TRPM6: variants seen among roughly 807,000 people sequenced by gnomAD.
TRPM6 encodes the protein transient receptor potential cation channel subfamily M member 6.
A neutral mutation model predicts 247.6 loss-of-function variants in TRPM6; 111 were observed. That is an observed-to-expected ratio of 0.45 (90% confidence interval 0.38 to 0.52). The LOEUF is 0.52. Ranked by LOEUF, TRPM6 falls within the 20% of genes least tolerant of loss-of-function variation. The probability of loss-of-function intolerance (pLI) is 0.00; values close to 1 mark genes in which losing one functional copy is unlikely to be tolerated. For missense variants in TRPM6, 2,126 were observed against 2,421.5 expected, an observed-to-expected ratio of 0.88 and a Z score of 2.56; for synonymous variants, 892 against 853.8, an observed-to-expected ratio of 1.04 and a Z score of -0.78.
chr9:74,785,198 G>T (rs1046388518), intron 21 of TRPM6, among the ~76,000 whole-genome samples: 31 of 152,130 alleles, frequency 2.0e-4, no homozygotes, highest in Admixed American at 1.8e-3. Context: ...AGGCGTGATG[G>T]TGCATGCCTA....
At chr9:74,865,017 G>A (rs1830802711) in intron 1 of TRPM6, among the ~76,000 whole-genome samples, 1 of 151,598 alleles carries the variant, frequency 6.6e-6, no homozygotes. Flanking sequence ...AAGTTGCAGT[G>A]GGCTGAGATC....
At position 74,761,709 on chromosome 9, in the gene TRPM6, C is replaced by T. The variant is rs1826640768; in HGVS notation, c.4772G>A (p.Gly1591Glu). ...CAGTACACTTACTGGCACCTGGAGTCCTTGAGTATTCTTCTTTTTCTTTGA... is the reference window on the plus strand; with the variant it reads ...CAGTACACTTACTGGCACCTGGAGTTCTTGAGTATTCTTCTTTTTCTTTGA... ...RLSKKKKNTQ[G>E]LQVPIITVNA... The change falls in exon 27 of 39, where the codon GGA (glycine) becomes GAA (glutamate). Residue 1591 changes from glycine (G) to glutamate (E), a missense_variant. Transcript: ENST00000360774. The T allele has an allele frequency of 6.2e-7, 1 of 1,608,892 alleles. No homozygotes were observed. The highest frequency in any genetic ancestry group is 8.5e-7 in the Non-Finnish European group (1 of 1,175,538).
chr9:74,737,310 T>G, intron 36 of TRPM6: 1 of 1,212,254 alleles, frequency 8.2e-7, no homozygotes, highest in Non-Finnish European at 1.1e-6. Flanking sequence ...GTCACATCCT[T>G]GAGCATGTGA....
rs150147420 is a variant in TRPM6, at chr9:74,761,307, C to T, written c.4785+389G>A. Among the ~76,000 whole-genome samples, 420 of 152,302 alleles carry T rather than the reference C, an allele frequency of 2.8e-3. 2 individuals carry two copies. The highest frequency in any genetic ancestry group is 9.7e-3 in the African/African-American group (402 of 41,570). ...ACATATGTCCACAAAAAGACTTGTACACAAATGTTCATAACAGCTTTTTTG... is the reference window on the plus strand; with the variant it reads ...ACATATGTCCACAAAAAGACTTGTATACAAATGTTCATAACAGCTTTTTTG... On this transcript the variant is annotated intron_variant, in intron 27 of 38. Transcript: ENST00000360774.
chr9:74,827,705 G>C lies in TRPM6; in HGVS notation c.841+73C>G, dbSNP rs144532972. On this transcript the variant is annotated intron_variant, in intron 7 of 38. Transcript: ENST00000360774. The stretch of plus-strand genomic sequence containing the variant: ...GGGGACTAGGAGAGTGAGCTCTGAT[G>C]GTCAGGGAAGACCATGAAAGACCTC... 8.2e-4 allele frequency: 1,225 copies of C among 1,500,796 alleles called. 1 individual carries two copies. The highest frequency in any genetic ancestry group is 1.2e-3 in the Middle Eastern group (7 of 5,842). The allele number at this position is 1,500,796 out of a possible 1,614,324, so 93.0% of individuals were successfully genotyped here. A position where few individuals can be genotyped will look rare whatever the true frequency, so the allele number is the denominator to read the frequency against.
intron 3 of TRPM6, among the ~76,000 whole-genome samples, chr9:74,845,568 C>T (rs373094237): frequency 2.0e-5 from 3 of 152,286 alleles, no homozygotes; most frequent in Non-Finnish European, 4.4e-5. Flanking sequence ...TAGTGGCTCA[C>T]GCCCGTAATT....
At chr9:74,857,179 A>G (rs576304489) in intron 2 of TRPM6, among the ~76,000 whole-genome samples, 2 of 152,354 alleles carry the variant, frequency 1.3e-5, no homozygotes, top group Admixed American at 6.5e-5. Context: ...TTGGCATACT[A>G]TAAACCTTTC....
intron 12 of TRPM6, among the ~76,000 whole-genome samples, chr9:74,812,041 C>A (rs1459886068): frequency 6.6e-6 from 1 of 152,096 alleles, no homozygotes. Context: ...GCATTTGTAG[C>A]CATTTTGGTG....
chr9:74,754,937 T>G (rs1238260315), intron 28 of TRPM6, among the ~76,000 whole-genome samples: 1 of 152,192 alleles, frequency 6.6e-6, no homozygotes, highest in African/African-American at 2.4e-5. Context: ...AAACACTAAA[T>G]GTAGACAGTA....
At chr9:74,769,639 TC>T (rs1242365184) in intron 25 of TRPM6, among the ~76,000 whole-genome samples, 2 of 151,836 alleles carry the variant, frequency 1.3e-5, no homozygotes, top group African/African-American at 4.8e-5. Flanking sequence ...ACACCTGTAA[TC>T]CCAGCTACTC....
At chr9:74,724,772 T>C (rs368861088) in intron 38 of TRPM6, 26 bp from the exon 39 acceptor site, 1 of 1,613,832 alleles carries the variant, frequency 6.2e-7, no homozygotes, top group African/African-American at 1.3e-5. Flanking sequence ...GTAAAAAGGT[T>C]ATAGTGGAAC....
chr9:74,792,862 T>C, intron 18 of TRPM6, 92 bp from the exon 19 acceptor site: 1 of 1,276,902 alleles, frequency 7.8e-7, no homozygotes, highest in Non-Finnish European at 1.1e-6. Flanking sequence ...AAATAATATA[T>C]TAGAAATTAG....
chr9:74,775,338 C>T (rs997293472), intron 24 of TRPM6, among the ~76,000 whole-genome samples: 2 of 152,146 alleles, frequency 1.3e-5, no homozygotes, highest in African/African-American at 4.8e-5. Context: ...TACAGGCATG[C>T]ACTACCGCAC....
intron 37 of TRPM6, among the ~76,000 whole-genome samples, chr9:74,729,741 A>C (rs1324533017): frequency 6.6e-6 from 1 of 152,240 alleles, no homozygotes; most frequent in Admixed American, 6.5e-5. Flanking sequence ...ATGCCAATAA[A>C]GTGAAACACA....
At position 74,788,321 on chromosome 9, in the gene TRPM6, C is replaced by T. The variant is rs1006195682; in HGVS notation, c.2667+293G>A. Among the ~76,000 whole-genome samples, 5 of 152,166 alleles carry T rather than the reference C, an allele frequency of 3.3e-5. No homozygotes were observed. In the East Asian group the frequency reaches 9.6e-4, roughly 29 times the overall value. On this transcript the variant is annotated intron_variant, in intron 20 of 38. Transcript: ENST00000360774. ...AATAGTTGGAGGGTTTAATACAATT[C>T]TATGGCATCATCTATCCTTTAGGAT...
At chr9:74,771,978 T>C in intron 24 of TRPM6, 143 bp from the exon 25 acceptor site, 1 of 779,194 alleles carries the variant, frequency 1.3e-6, no homozygotes. Flanking sequence ...CTAATATTAA[T>C]GCAGAAACAG....
chr9:74,812,185 C>G, intron 12 of TRPM6, 114 bp downstream of exon 12: 1 of 1,384,002 alleles, frequency 7.2e-7, no homozygotes, highest in Non-Finnish European at 1.0e-6. Context: ...ATAGGGAAGT[C>G]CAGCTACTTC....
At chr9:74,878,592 C>T (rs889322440) in intron 1 of TRPM6, among the ~76,000 whole-genome samples, 5 of 152,176 alleles carry the variant, frequency 3.3e-5, no homozygotes, top group African/African-American at 1.2e-4. Context: ...AAGTGCCCTA[C>T]CTAAACACCG....
chr9:74,865,301 A>C, intron 1 of TRPM6, among the ~76,000 whole-genome samples: 1 of 152,064 alleles, frequency 6.6e-6, no homozygotes, highest in East Asian at 1.9e-4. Flanking sequence ...CAGCCCCAAA[A>C]CCCAATTTCA....
Sources: gnomAD v4.1 joint callset for allele counts (sites outside exome capture counted in the v4.1 genomes callset) on GRCh38, gnomAD v4.1.1 for gene constraint, MANE v1.5 for transcripts, NCBI Gene and HGNC (gene_info 2026-07-23, HGNC 2026-07-21) for gene names.